Variants in DENND1A observed in about 807,000 individuals in gnomAD.
The protein encoded by DENND1A is DENN domain containing 1A.
A neutral mutation model predicts 113.7 loss-of-function variants in DENND1A; 51 were observed. That is an observed-to-expected ratio of 0.45 (90% CI 0.36 to 0.57). The LOEUF is 0.57. Among genes scored for constraint, DENND1A ranks in the 20% least tolerant of loss-of-function variants. The pLI, the probability that DENND1A is intolerant of heterozygous loss-of-function variation, is 0.00. For synonymous variants in DENND1A, 565 were observed against 570.8 expected (o/e 0.99, Z 0.14); for missense variants, 1,258 against 1,395.9 (o/e 0.90, Z 1.57).
intron 13 of DENND1A, among the ~76,000 whole-genome samples, chr9:123,459,998 A>C (rs1310104893): frequency 6.6e-6 from 1 of 152,200 alleles, no homozygotes; most frequent in East Asian, 1.9e-4. Context: ...ACAAAGAAAA[A>C]CATCAGGGCT....
chr9:123,484,262 A>T (rs1007782331), intron 13 of DENND1A, among the ~76,000 whole-genome samples: 1 of 152,188 alleles, frequency 6.6e-6, no homozygotes, highest in African/African-American at 2.4e-5. Flanking sequence ...TCTGGGTTTA[A>T]TCGCACCTCT....
chr9:123,688,532 G>C (rs956229408), intron 5 of DENND1A, among the ~76,000 whole-genome samples: 1 of 152,118 alleles, frequency 6.6e-6, no homozygotes. Flanking sequence ...TCTGATAGAG[G>C]CAACAGGCGC....
At chr9:123,872,932 G>T (rs1026863117) in intron 2 of DENND1A, among the ~76,000 whole-genome samples, 3 of 152,070 alleles carry the variant, frequency 2.0e-5, no homozygotes, top group Non-Finnish European at 4.4e-5. Flanking sequence ...CCCTCTAGGG[G>T]GATGCAAACA....
At chr9:123,596,482 C>T (rs546234837) in intron 11 of DENND1A, among the ~76,000 whole-genome samples, 5 of 152,182 alleles carry the variant, frequency 3.3e-5, no homozygotes, top group Non-Finnish European at 5.9e-5. Flanking sequence ...TTATTATTCA[C>T]ATTTTACAGA....
chr9:123,724,129 C>T (rs1486050710), intron 5 of DENND1A, among the ~76,000 whole-genome samples: 1 of 152,164 alleles, frequency 6.6e-6, no homozygotes, highest in African/African-American at 2.4e-5. Context: ...AGTCATAATG[C>T]TTGGTGCTCA....
At chr9:123,755,813 T>G (rs1041154280) in intron 5 of DENND1A, among the ~76,000 whole-genome samples, 1 of 152,244 alleles carries the variant, frequency 6.6e-6, no homozygotes, top group Non-Finnish European at 1.5e-5. Flanking sequence ...ATATAAGACA[T>G]GCAACATACA....
At chr9:123,482,638 G>A (rs1373130010) in intron 13 of DENND1A, among the ~76,000 whole-genome samples, 12 of 152,204 alleles carry the variant, frequency 7.9e-5, no homozygotes, top group Admixed American at 7.9e-4. Context: ...TCAGCTACCT[G>A]AGGATAGTCA....
intron 13 of DENND1A, among the ~76,000 whole-genome samples, chr9:123,496,924 G>A (rs1424824454): frequency 1.3e-5 from 2 of 152,182 alleles, no homozygotes; most frequent in African/African-American, 4.8e-5. Context: ...GGACCAGAAT[G>A]TGCATTTCTG....
chr9:123,837,703 G>A (rs1841244231), intron 2 of DENND1A, among the ~76,000 whole-genome samples: 1 of 152,138 alleles, frequency 6.6e-6, no homozygotes, highest in Non-Finnish European at 1.5e-5. Flanking sequence ...CTCAAGGTCA[G>A]CACCTCTTTT....
intron 10 of DENND1A, among the ~76,000 whole-genome samples, chr9:123,618,874 C>T (rs144212017): frequency 8.1e-4 from 124 of 152,356 alleles, no homozygotes; most frequent in African/African-American, 2.8e-3. Context: ...ACCATCTACA[C>T]AGACTAACCC....
chr9:123,383,253 C>T (rs1037768258), intron 23 of DENND1A, among the ~76,000 whole-genome samples: 2 of 152,236 alleles, frequency 1.3e-5, no homozygotes, highest in African/African-American at 4.8e-5. Flanking sequence ...GGGAATTACA[C>T]ACTGATTTGC....
At chr9:123,928,000 C>G (rs370970129) in intron 1 of DENND1A, among the ~76,000 whole-genome samples, 7 of 152,220 alleles carry the variant, frequency 4.6e-5, no homozygotes, top group Admixed American at 6.5e-5. Flanking sequence ...TATTCTCTTT[C>G]GGTTTCACCA....
At chr9:123,639,059 AAAAAAAAGAAAG>A (rs2061876751) in intron 9 of DENND1A, among the ~76,000 whole-genome samples, 6 of 148,536 alleles carry the variant, frequency 4.0e-5, no homozygotes, top group Admixed American at 4.0e-4. Context: ...AAAAAAAAAA[AAAAAAAAGAAAG>A]AAAGAAAAAA....
At chr9:123,527,802 A>C (rs1431313389) in intron 13 of DENND1A, among the ~76,000 whole-genome samples, 4 of 152,310 alleles carry the variant, frequency 2.6e-5, no homozygotes, top group Middle Eastern at 3.4e-3. Context: ...GGATGAATGA[A>C]CAAAAATCTC....
intron 22 of DENND1A, among the ~76,000 whole-genome samples, chr9:123,385,019 G>C (rs2130905581): frequency 6.6e-6 from 1 of 152,292 alleles, no homozygotes; most frequent in African/African-American, 2.4e-5. Context: ...CTTTGCAGCT[G>C]ATCCAAGTAT....
intron 13 of DENND1A, among the ~76,000 whole-genome samples, chr9:123,484,487 T>A (rs1475448065): frequency 6.6e-6 from 1 of 152,164 alleles, no homozygotes; most frequent in African/African-American, 2.4e-5. Flanking sequence ...TGTACTGACC[T>A]GCTATGTACT....
chr9:123,513,354 CG>C (rs1395636886), intron 13 of DENND1A, among the ~76,000 whole-genome samples: 1 of 152,210 alleles, frequency 6.6e-6, no homozygotes, highest in Non-Finnish European at 1.5e-5. Flanking sequence ...CTTTATACGT[CG>C]GATGCATGTT....
chr9:123,902,751 AAACAGG>A (rs1373988846), intron 1 of DENND1A, among the ~76,000 whole-genome samples: 1 of 152,026 alleles, frequency 6.6e-6, no homozygotes, highest in Non-Finnish European at 1.5e-5. Flanking sequence ...CACCTCTATA[AAACAGG>A]AACAAAAAGC....
At chr9:123,903,686 C>T (rs529692223) in intron 1 of DENND1A, among the ~76,000 whole-genome samples, 7 of 152,284 alleles carry the variant, frequency 4.6e-5, no homozygotes, top group South Asian at 2.1e-4. Flanking sequence ...CGGCGCACCA[C>T]GATATTATAT....
Sources: allele counts gnomAD v4.1 joint callset (sites outside exome capture counted in the v4.1 genomes callset), GRCh38; gene constraint gnomAD v4.1.1; transcripts MANE v1.5; gene names NCBI Gene and HGNC (gene_info 2026-07-23, HGNC 2026-07-21).